TENM2: variants seen among roughly 807,000 people sequenced by gnomAD.
TENM2 encodes the protein teneurin-2.
Under a neutral mutation model 245.2 loss-of-function variants are expected in TENM2, and 52 were observed. The ratio of observed to expected loss-of-function variants is 0.21; its 90% CI spans 0.17 to 0.27. The LOEUF is 0.27. Ranked by LOEUF, TENM2 falls within the 10% of genes least tolerant of loss-of-function variation. TENM2 has a pLI of 1.00. For synonymous variants in TENM2, 1,363 were observed against 1,438.9 expected, an observed-to-expected ratio of 0.95 and a Z score of 1.19; for missense variants, 3,046 against 3,666.8, an observed-to-expected ratio of 0.83 and a Z score of 4.37.
In TENM2 at chr5:167,808,160, A is replaced by G. The variant is rs77720752; in HGVS notation, c.503-67826A>G. 4.7e-3 allele frequency among the ~76,000 whole-genome samples: 713 copies of G among 152,298 alleles called. 4 individuals carry two copies. The highest frequency in any genetic ancestry group is 0.016 in the African/African-American group (666 of 41,580). Reference sequence around the variant, plus strand: ...TTTACTTTTTCATTACACTTACGTTACTAGTTGGGCCTCGAGGAAGCAACT... The same window carrying G: ...TTTACTTTTTCATTACACTTACGTTGCTAGTTGGGCCTCGAGGAAGCAACT... On this transcript the variant is annotated intron_variant, in intron 2 of 28. Transcript: ENST00000518659.
At chr5:168,060,762 T>G (rs924289982) in intron 6 of TENM2, among the ~76,000 whole-genome samples, 1 of 152,198 alleles carries the variant, frequency 6.6e-6, no homozygotes, top group Non-Finnish European at 1.5e-5. Flanking sequence ...TTTTATAATT[T>G]AGACATGAAA....
At chr5:167,856,446 A>G (rs1363335671) in intron 2 of TENM2, among the ~76,000 whole-genome samples, 14 of 152,210 alleles carry the variant, frequency 9.2e-5, no homozygotes, top group Admixed American at 9.2e-4. Flanking sequence ...GGGTTGGCCA[A>G]ATATTACACT....
chr5:167,399,230 T>C (rs895044780), intron 2 of TENM2, among the ~76,000 whole-genome samples: 3 of 152,146 alleles, frequency 2.0e-5, no homozygotes, highest in African/African-American at 7.2e-5. Flanking sequence ...CCAGTAAATA[T>C]AGAGATGCAA....
rs565988913 is a variant in TENM2 at position 167,521,724 on chromosome 5, T to A, written c.502+146251T>A. ...TTGCTGTTGTGTTGGAGCGTGAAAT[T>A]TATGCAGAATGGAATCCAAATGTGA... On this transcript the variant is annotated intron_variant, in intron 2 of 28. Transcript: ENST00000518659. 7.2e-5 allele frequency among the ~76,000 whole-genome samples: 11 copies of A among 152,246 alleles called. No individual in the cohort carries two copies. The South Asian group carries it at 1.5e-3, about 20-fold the overall frequency.
At chr5:167,207,773 G>C in the TENM2 span, among the ~76,000 whole-genome samples, 78 of 152,168 alleles carry the variant, frequency 5.1e-4, no homozygotes, top group African/African-American at 1.7e-3. Flanking sequence ...CTTTTTTTGA[G>C]ATGGAGTTTC....
chr5:167,101,849 T>TTATATATATATATATATTTATATATA, the TENM2 span, among the ~76,000 whole-genome samples: 8 of 69,456 alleles, frequency 1.2e-4, no homozygotes, highest in Non-Finnish European at 2.1e-4. Flanking sequence ...ATATATATAT[T>TTATATATATATATATATTTATATATA]TATATATATA....
chr5:167,001,444 C>T, the TENM2 span, among the ~76,000 whole-genome samples: 2 of 151,700 alleles, frequency 1.3e-5, no homozygotes, highest in South Asian at 4.1e-4. Context: ...ACTGACATGA[C>T]TTATGGGGTT....
chr5:167,694,443 G>GAGA (rs113274967), intron 2 of TENM2, among the ~76,000 whole-genome samples: 77 of 152,256 alleles, frequency 5.1e-4, no homozygotes, highest in African/African-American at 1.7e-3. Context: ...CTTTCCCCAG[G>GAGA]ACTAGAGGTG....
chr5:167,008,032 C>T, the TENM2 span, among the ~76,000 whole-genome samples: 1 of 152,178 alleles, frequency 6.6e-6, no homozygotes, highest in African/African-American at 2.4e-5. Flanking sequence ...ACAGTGGCCT[C>T]CCTCCCTTCC....
chr5:167,916,178 C>G (rs1776920698), intron 3 of TENM2, among the ~76,000 whole-genome samples: 1 of 152,160 alleles, frequency 6.6e-6, no homozygotes, highest in Non-Finnish European at 1.5e-5. Context: ...CGCCAGCAGT[C>G]AAAGAACCGT....
chr5:167,312,141 GTA>G (rs1561854386), intron 1 of TENM2, among the ~76,000 whole-genome samples: 1 of 151,916 alleles, frequency 6.6e-6, no homozygotes, highest in African/African-American at 2.4e-5. Flanking sequence ...ATAAATATAC[GTA>G]TGTTAGATAT....
intron 2 of TENM2, among the ~76,000 whole-genome samples, chr5:167,581,648 A>G (rs1230304087): frequency 6.6e-6 from 1 of 152,134 alleles, no homozygotes; most frequent in East Asian, 1.9e-4. Flanking sequence ...ATCTTTATCT[A>G]TATCTATTTC....
chr5:167,534,985 C>G lies in TENM2; in HGVS notation c.502+159512C>G, dbSNP rs138498983. On this transcript the variant is annotated intron_variant, in intron 2 of 28. Transcript: ENST00000518659. ...GCAGCATGTTGTTAACACAGTAGTT[C>G]TAGGTTAAGTAAAATCATCATTTCT... Among the ~76,000 whole-genome samples the G allele has an allele frequency of 5.9e-3, 896 of 152,146 alleles. 9 individuals carry two copies. Among genetic ancestry groups the G allele is most frequent in the African/African-American group, 0.021 (858 of 41,502 alleles).
At chr5:167,902,370 A>G (rs1469126239) in intron 3 of TENM2, among the ~76,000 whole-genome samples, 2 of 152,184 alleles carry the variant, frequency 1.3e-5, no homozygotes, top group Non-Finnish European at 2.9e-5. Flanking sequence ...CTGGCTGGAG[A>G]AAAGAACTCT....
upstream of TENM2, among the ~76,000 whole-genome samples, chr5:167,284,127 G>C (rs956922425): frequency 4.7e-4 from 71 of 152,182 alleles, 1 homozygote; most frequent in African/African-American, 1.5e-3. Context: ...ACACAGATCT[G>C]CAAGGGAGAA....
intron 2 of TENM2, among the ~76,000 whole-genome samples, chr5:167,447,287 C>A (rs1765287527): frequency 2.0e-5 from 3 of 152,228 alleles, no homozygotes; most frequent in South Asian, 4.1e-4. Context: ...CTGGCACAAA[C>A]CCTGGCCCTA....
chr5:168,200,059 C>G (rs1247627388), exon 17 of TENM2: 1 of 1,613,828 alleles, frequency 6.2e-7, no homozygotes, highest in African/African-American at 1.3e-5. Context: ...TTCTCCCAAC[C>G]TGGCCTACAC....
At chr5:168,072,680 G>A (rs1791121357) in intron 7 of TENM2, among the ~76,000 whole-genome samples, 1 of 152,148 alleles carries the variant, frequency 6.6e-6, no homozygotes, top group Non-Finnish European at 1.5e-5. Flanking sequence ...GTTTCCGGAT[G>A]AGTCTCTAGA....
chr5:167,343,979 C>G (rs1304206352), intron 1 of TENM2, among the ~76,000 whole-genome samples: 2 of 151,704 alleles, frequency 1.3e-5, no homozygotes, highest in African/African-American at 4.8e-5. Flanking sequence ...TCTCCTCTAA[C>G]TAATTTGTCT....
Sources: allele counts gnomAD v4.1 joint callset (sites outside exome capture counted in the v4.1 genomes callset), GRCh38; gene constraint gnomAD v4.1.1; transcripts MANE v1.5; gene names NCBI Gene and HGNC (gene_info 2026-07-23, HGNC 2026-07-21).